The following TBC1D1 variants were observed in gnomAD, a reference collection of about 807,000 sequenced individuals.
TBC1D1 encodes the protein TBC1 (tre-2/USP6, BUB2, cdc16) domain family, member 1.
Under a neutral mutation model 125.6 loss-of-function variants are expected in TBC1D1, and 89 were observed. The observed-to-expected ratio is 0.71, with a 90% CI of 0.60 to 0.85. TBC1D1 has a LOEUF of 0.85. TBC1D1 is among the 40% of genes least tolerant of loss of function. The pLI, the probability that TBC1D1 is intolerant of heterozygous loss-of-function variation, is 0.00. For synonymous variants in TBC1D1, 565 were observed against 564.1 expected (o/e 1.00, Z -0.02); for missense variants, 1,377 against 1,469.2 (o/e 0.94, Z 1.03).
chr4:38,018,390 A>C lies in TBC1D1; in HGVS notation c.919A>C (p.Thr307Pro), dbSNP rs763675459. 6.2e-7 allele frequency: 1 copy of C among 1,612,674 alleles called. No individual in the cohort carries two copies. The highest frequency in any genetic ancestry group is 1.1e-5 in the South Asian group (1 of 90,722). ...TGAAGTTTACCTCATCAGTCCTGAC[A>C]CCAAAAAAATAGCATTGGAGAAAAA... Residue 307 changes from threonine to proline, a missense_variant, in exon 4 of 20, where the codon ACC becomes CCC. Thr to Pro is a conservative substitution (Grantham distance 38). This residue lies in a region of TBC1D1 where 822 missense variants were observed against 824.6 expected (regional missense o/e 1.00). Transcript: ENST00000261439.
At chr4:38,028,728 G>A (rs564473284) in intron 7 of TBC1D1, among the ~76,000 whole-genome samples, 15 of 152,278 alleles carry the variant, frequency 9.9e-5, no homozygotes, top group Admixed American at 8.5e-4. Context: ...CAGAAGGTCC[G>A]GCCTCTGGTC....
intron 12 of TBC1D1, among the ~76,000 whole-genome samples, chr4:38,088,151 AAG>A (rs1757851796): frequency 6.6e-6 from 1 of 152,102 alleles, no homozygotes; most frequent in Admixed American, 6.6e-5. Context: ...AAGATGGTAA[AAG>A]AATAAAAAAA....
chr4:38,082,850 G>A (rs1275792463), intron 12 of TBC1D1, among the ~76,000 whole-genome samples: 1 of 152,116 alleles, frequency 6.6e-6, no homozygotes, highest in Non-Finnish European at 1.5e-5. Context: ...ACCAGACTGA[G>A]TCAGGACTTT....
At chr4:38,103,819 T>G (rs999409164) in intron 15 of TBC1D1, among the ~76,000 whole-genome samples, 3 of 152,176 alleles carry the variant, frequency 2.0e-5, no homozygotes, top group Non-Finnish European at 4.4e-5. Flanking sequence ...ATGTAGAATT[T>G]ACATTGTATT....
intron 2 of TBC1D1, among the ~76,000 whole-genome samples, chr4:37,989,801 G>C (rs1736191398): frequency 6.6e-6 from 1 of 152,186 alleles, no homozygotes; most frequent in Non-Finnish European, 1.5e-5. Flanking sequence ...TGTGGGGTTA[G>C]TTCCCCTTCC....
At chr4:38,012,960 A>AT (rs770855808) in intron 2 of TBC1D1, among the ~76,000 whole-genome samples, 165 of 152,040 alleles carry the variant, frequency 1.1e-3, no homozygotes, top group Non-Finnish European at 2.0e-3. Flanking sequence ...CGCCCAGCTA[A>AT]TTTTTTGTAT....
chr4:37,931,129 G>A (rs534010596), intron 2 of TBC1D1, among the ~76,000 whole-genome samples: 1 of 149,844 alleles, frequency 6.7e-6, no homozygotes, highest in South Asian at 2.1e-4. Context: ...TTGAGATGGA[G>A]TCTCACTCTG....
intron 2 of TBC1D1, among the ~76,000 whole-genome samples, chr4:37,919,596 A>C (rs1232755899): frequency 6.6e-6 from 1 of 152,150 alleles, no homozygotes; most frequent in African/African-American, 2.4e-5. Flanking sequence ...AAAAAGAGAA[A>C]TACATATTTC....
intron 12 of TBC1D1, among the ~76,000 whole-genome samples, chr4:38,071,629 G>A (rs188454170): frequency 6.4e-4 from 98 of 152,264 alleles, no homozygotes; most frequent in African/African-American, 1.9e-3. Context: ...GGCAGAAATG[G>A]TTCCTGCCTC....
At position 38,027,781 on chromosome 4, in the gene TBC1D1, TTAA is replaced by T; in HGVS notation, c.1211-4_1211-2del. 6.2e-7 allele frequency: 1 copy of T among 1,604,340 alleles called. No individual in the cohort carries two copies. The highest frequency in any genetic ancestry group is 8.5e-7 in the Non-Finnish European group (1 of 1,175,018). ...TTTTTTCATGCCTCTCTTTTTTCTCTTAATAGGAATGAATTCTTCCAAAACAAA... is the reference window on the plus strand; with the variant it reads ...TTTTTTCATGCCTCTCTTTTTTCTCTTAGGAATGAATTCTTCCAAAACAAA... On this transcript the variant is annotated splice_polypyrimidine_tract_variant and splice_region_variant and intron_variant, in intron 6 of 19. Transcript: ENST00000261439.
At chr4:37,897,225 G>A (rs1333779790) in intron 1 of TBC1D1, among the ~76,000 whole-genome samples, 1 of 152,074 alleles carries the variant, frequency 6.6e-6, no homozygotes, top group Non-Finnish European at 1.5e-5. Context: ...AGAAATAATT[G>A]CAGTTTTTGC....
intron 2 of TBC1D1, among the ~76,000 whole-genome samples, chr4:38,002,263 G>T (rs1370900101): frequency 6.6e-6 from 1 of 152,156 alleles, no homozygotes; most frequent in Non-Finnish European, 1.5e-5. Context: ...TACATTCTCT[G>T]TAGGCTTTGA....
chr4:37,985,375 T>A (rs1421739554), intron 2 of TBC1D1, among the ~76,000 whole-genome samples: 1 of 152,240 alleles, frequency 6.6e-6, no homozygotes, highest in Non-Finnish European at 1.5e-5. Flanking sequence ...TTTTGTTAAA[T>A]TTATATGAAA....
intron 1 of TBC1D1, among the ~76,000 whole-genome samples, chr4:37,896,851 G>T (rs1714744148): frequency 6.6e-6 from 1 of 151,840 alleles, no homozygotes; most frequent in African/African-American, 2.4e-5. Context: ...AGTGTATGCT[G>T]CCAGAGATAT....
At chr4:37,899,064 T>G (rs1037540935) in intron 1 of TBC1D1, among the ~76,000 whole-genome samples, 2 of 152,272 alleles carry the variant, frequency 1.3e-5, no homozygotes, top group South Asian at 4.1e-4. Flanking sequence ...GGGTGTGATA[T>G]GATAAATTTT....
At chr4:38,074,080 T>A (rs545871199) in intron 12 of TBC1D1, among the ~76,000 whole-genome samples, 1 of 152,112 alleles carries the variant, frequency 6.6e-6, no homozygotes, top group Admixed American at 6.5e-5. Context: ...ACATGTAAAA[T>A]CCTGAAGTCA....
At chr4:38,131,813 C>T (rs1268561124) in intron 18 of TBC1D1, among the ~76,000 whole-genome samples, 1 of 152,206 alleles carries the variant, frequency 6.6e-6, no homozygotes, top group South Asian at 2.1e-4. Context: ...ACAATTCTCT[C>T]TCTCCCTCTT....
At chr4:37,944,484 C>A (rs1281537735) in intron 2 of TBC1D1, among the ~76,000 whole-genome samples, 3 of 152,246 alleles carry the variant, frequency 2.0e-5, no homozygotes, top group South Asian at 2.1e-4. Flanking sequence ...GGGCTCCACC[C>A]AGTTCGAGCT....
chr4:38,037,245 A>G (rs1216322084), intron 8 of TBC1D1, among the ~76,000 whole-genome samples: 1 of 152,020 alleles, frequency 6.6e-6, no homozygotes, highest in African/African-American at 2.4e-5. Context: ...TGATTTGGGC[A>G]TAGATCATCC....
Sources: allele counts gnomAD v4.1 joint callset (sites outside exome capture counted in the v4.1 genomes callset), GRCh38; gene constraint gnomAD v4.1.1; regional missense constraint gnomAD v4.1.1; transcripts MANE v1.5; gene names NCBI Gene and HGNC (gene_info 2026-07-23, HGNC 2026-07-21).